ZFR: variants seen among roughly 807,000 people sequenced by gnomAD.
ZFR encodes zinc finger RNA binding protein.
ZFR carries 19 observed loss-of-function variants against 130.7 expected under a neutral mutation model. The observed-to-expected ratio is 0.15, with a 90% CI of 0.10 to 0.21. The LOEUF (loss-of-function observed/expected upper bound fraction) is 0.21. Ranked by LOEUF, ZFR falls within the 10% of genes least tolerant of loss-of-function variation. The pLI is 1.00. For synonymous variants in ZFR, 466 were observed against 456.9 expected (o/e 1.02, Z -0.25); for missense variants, 872 against 1,321.5 (o/e 0.66, Z 5.27).
chr5:32,440,735 T>C (rs1754454052), intron 2 of ZFR, among the ~76,000 whole-genome samples: 1 of 152,080 alleles, frequency 6.6e-6, no homozygotes. Context: ...GAGAAACGCT[T>C]ACCACAAAAT....
intron 9 of ZFR, 89 bp from the exon 10 acceptor site, chr5:32,397,427 CAGTT>C (rs1374613979): frequency 2.7e-6 from 4 of 1,491,594 alleles, no homozygotes; most frequent in Non-Finnish European, 3.6e-6. Flanking sequence ...AAGTTGTACA[CAGTT>C]AGAAAGAAGT....
At chr5:32,414,691 G>C (rs77304126) in intron 5 of ZFR, among the ~76,000 whole-genome samples, 5,248 of 152,102 alleles carry the variant, frequency 0.035, 109 homozygotes, top group Middle Eastern at 0.075. Flanking sequence ...TAGAAAACTC[G>C]GTGTTACTTC....
At chr5:32,422,776 G>T (rs867041263) in intron 2 of ZFR, among the ~76,000 whole-genome samples, 1 of 95,846 alleles carries the variant, frequency 1.0e-5, no homozygotes, top group Admixed American at 1.6e-4. Flanking sequence ...CTCCAGCCTG[G>T]ATGACAGAGT....
At chr5:32,402,645 G>C (rs1192646530) in intron 8 of ZFR, among the ~76,000 whole-genome samples, 2 of 151,720 alleles carry the variant, frequency 1.3e-5, no homozygotes, top group African/African-American at 2.4e-5. Flanking sequence ...GTGTGTGATG[G>C]AGCACAGCTA....
At chr5:32,366,629 C>G (rs1340212432) in intron 17 of ZFR, among the ~76,000 whole-genome samples, 5 of 151,996 alleles carry the variant, frequency 3.3e-5, no homozygotes, top group Non-Finnish European at 5.9e-5. Context: ...ATTCTCCAAG[C>G]ACATGTCTAC....
intron 14 of ZFR, among the ~76,000 whole-genome samples, chr5:32,385,897 A>ATG (rs113627456): frequency 6.6e-6 from 1 of 151,900 alleles, no homozygotes; most frequent in African/African-American, 2.4e-5. Flanking sequence ...ACATAGGTCT[A>ATG]TCTCTCTTAG....
At chr5:32,443,627 C>T (rs1754521384) in intron 2 of ZFR, among the ~76,000 whole-genome samples, 1 of 152,274 alleles carries the variant, frequency 6.6e-6, no homozygotes, top group Admixed American at 6.5e-5. Flanking sequence ...ACAGTGACAC[C>T]CGCAGTTTGT....
At chr5:32,415,303 T>A in intron 4 of ZFR, 116 bp from the exon 5 acceptor site, 1 of 874,840 alleles carries the variant, frequency 1.1e-6, no homozygotes, top group Non-Finnish European at 1.7e-6. Flanking sequence ...ATAAATTTTA[T>A]GCCAGCAATT....
chr5:32,407,161 C>T, intron 5 of ZFR, 140 bp from the exon 6 acceptor site: 1 of 765,106 alleles, frequency 1.3e-6, no homozygotes, highest in Admixed American at 3.7e-5. Flanking sequence ...TCTCACAGAA[C>T]CAGAAAAAAG....
chr5:32,396,555 T>C (rs368047392), intron 10 of ZFR, among the ~76,000 whole-genome samples: 18 of 152,140 alleles, frequency 1.2e-4, no homozygotes, highest in African/African-American at 4.3e-4. Flanking sequence ...CTGGCCAACA[T>C]GGTGAAACCC....
intron 1 of ZFR, 33 bp downstream of exon 1, chr5:32,444,589 G>T (rs991652476): frequency 4.1e-6 from 6 of 1,473,098 alleles, no homozygotes; most frequent in African/African-American, 1.5e-5. Flanking sequence ...GGAGGGGGCC[G>T]GGCAGAGGCC....
Position 32,355,482 on chromosome 5 carries a change from G to A in ZFR, c.*278C>T, listed in dbSNP as rs912160197. On this transcript the variant is annotated 3_prime_UTR_variant, in exon 20 of 20. Transcript: ENST00000265069. ...TAGTTAATAAAAGACACAAAAATAGGGGGGGAAGCTAGGGCAACCAGAAAA... is the reference window on the plus strand; with the variant it reads ...TAGTTAATAAAAGACACAAAAATAGAGGGGGAAGCTAGGGCAACCAGAAAA... The A allele has an allele frequency of 2.2e-5, 5 of 228,052 alleles. No individual in the cohort carries two copies. Among genetic ancestry groups the A allele is most frequent in the Non-Finnish European group, 3.4e-5 (4 of 119,180 alleles). The allele number at this position is 228,052 out of a possible 1,614,324, so 14.1% of individuals were successfully genotyped here.
intron 5 of ZFR, among the ~76,000 whole-genome samples, chr5:32,411,714 G>GGGGC (rs138920140): frequency 0.034 from 1,837 of 54,590 alleles, 237 homozygotes; most frequent in East Asian, 0.063. Flanking sequence ...AATTGAGGGG[G>GGGGC]GGCGGGGAAT....
At chr5:32,402,954 T>TAC in intron 8 of ZFR, 152 bp downstream of exon 8, 1 of 695,242 alleles carries the variant, frequency 1.4e-6, no homozygotes, top group East Asian at 2.7e-5. Flanking sequence ...AAATTAAAAA[T>TAC]ACACACACAC....
At chr5:32,381,079 A>G (rs760611476) in intron 15 of ZFR, among the ~76,000 whole-genome samples, 1 of 152,138 alleles carries the variant, frequency 6.6e-6, no homozygotes, top group Non-Finnish European at 1.5e-5. Flanking sequence ...AAAGAGAAAC[A>G]ATAGGCAAGC....
At chr5:32,368,646 A>C (rs958709390) in intron 17 of ZFR, among the ~76,000 whole-genome samples, 8 of 152,218 alleles carry the variant, frequency 5.3e-5, no homozygotes, top group Admixed American at 2.0e-4. Context: ...CCCAGCTCTT[A>C]ATTTGTAACA....
At chr5:32,433,191 A>G (rs1754260844) in intron 2 of ZFR, among the ~76,000 whole-genome samples, 2 of 152,198 alleles carry the variant, frequency 1.3e-5, no homozygotes, top group African/African-American at 4.8e-5. Flanking sequence ...GACAGCTATC[A>G]CCATTTCCCA....
intron 5 of ZFR, among the ~76,000 whole-genome samples, chr5:32,412,670 C>A (rs1011090436): frequency 1.3e-5 from 2 of 152,168 alleles, no homozygotes; most frequent in African/African-American, 2.4e-5. Context: ...TGTCCTTATT[C>A]TTGGGAAATA....
At chr5:32,419,057 C>G (rs1753895172) in intron 3 of ZFR, among the ~76,000 whole-genome samples, 1 of 152,152 alleles carries the variant, frequency 6.6e-6, no homozygotes, top group South Asian at 2.1e-4. Context: ...TCCACCTTTG[C>G]TAAGTTTCAA....
Sources: gnomAD v4.1 joint callset for allele counts (sites outside exome capture counted in the v4.1 genomes callset) on GRCh38, gnomAD v4.1.1 for gene constraint, MANE v1.5 for transcripts, NCBI Gene and HGNC (gene_info 2026-07-23, HGNC 2026-07-21) for gene names.